Variants in PPP1R16A observed in about 807,000 individuals in gnomAD.
The protein encoded by PPP1R16A is protein phosphatase 1 regulatory subunit 16A.
In PPP1R16A, 39 loss-of-function variants were observed where a neutral mutation model predicts 46.6. The observed-to-expected ratio is 0.84, with a 90% confidence interval of 0.65 to 1.09. The LOEUF (loss-of-function observed/expected upper bound fraction) is 1.09. Among genes scored for constraint, PPP1R16A ranks in the 50% least tolerant of loss-of-function variants. The pLI is 0.00. For synonymous variants in PPP1R16A, 413 were observed against 321.5 expected, an observed-to-expected ratio of 1.28 and a Z score of -3.04; for missense variants, 798 against 735.6, an observed-to-expected ratio of 1.08 and a Z score of -0.98.
At chr8:144,492,334 C>CTTTT (rs5895821) in intron 2 of PPP1R16A, among the ~76,000 whole-genome samples, 1 of 131,760 alleles carries the variant, frequency 7.6e-6, no homozygotes, top group Non-Finnish European at 1.6e-5. Flanking sequence ...AAAAGGTGTA[C>CTTTT]TTTTTTTTTT....
At position 144,493,995 on chromosome 8, in the gene PPP1R16A, G is replaced by A. The variant is rs1586749314; in HGVS notation, c.-734-2466G>A. Among the ~76,000 whole-genome samples the A allele has an allele frequency of 1.3e-5, 2 of 152,312 alleles. No homozygotes were observed. Among genetic ancestry groups the A allele is most frequent in the East Asian group, 1.9e-4 (1 of 5,192 alleles). On this transcript the variant is annotated intron_variant, in intron 2 of 11. Coordinates refer to ENST00000435887, the MANE Select transcript of PPP1R16A (RefSeq NM_001329443.2). The surrounding 1 kb of genome is among the most constrained non-coding windows in gnomAD (Gnocchi z 4.3). Reference sequence around the variant, plus strand: ...TGTTCTCTGATGAATTTTCACGGATGTGCCTCGGAATGAGAAACAAGACAG... The same window carrying A: ...TGTTCTCTGATGAATTTTCACGGATATGCCTCGGAATGAGAAACAAGACAG...
At position 144,501,970 on chromosome 8, in the gene PPP1R16A, GCCCTGGTGCTGCGGGTGCAGCACGGAAA is replaced by G; in HGVS notation, c.*71_*98del. ...CCAAGGCTGCCTCCCCACGGTGCGT[GCCCTGGTGCTGCGGGTGCAGCACGGAAA>G]CCCCGGCTTCTACTGTACAGGACAC... On this transcript the variant is annotated 3_prime_UTR_variant, in exon 12 of 12. Coordinates refer to ENST00000435887, the MANE Select transcript of PPP1R16A (RefSeq NM_001329443.2). 1 of 1,430,944 alleles carries G rather than the reference GCCCTGGTGCTGCGGGTGCAGCACGGAAA, an allele frequency of 7.0e-7. No individual in the cohort carries two copies. Among genetic ancestry groups the G allele is most frequent in the South Asian group, 1.4e-5 (1 of 69,066 alleles). 88.6% of individuals were successfully genotyped at this position (1,430,944 alleles called of 1,614,324 possible).
intron 1 of PPP1R16A, among the ~76,000 whole-genome samples, chr8:144,483,014 C>T (rs916904517): frequency 6.6e-6 from 1 of 152,020 alleles, no homozygotes; most frequent in Non-Finnish European, 1.5e-5. Context: ...AACTCCTGAC[C>T]TCAGGTGATC....
In PPP1R16A at chr8:144,497,252, C is replaced by A; in HGVS notation, c.58C>A (p.Gln20Lys). The A allele has an allele frequency of 6.2e-7, 1 of 1,607,788 alleles. No individual in the cohort carries two copies. The part of the protein sequence containing the change: ...EMPMVGRMST[Q>K]ERLKHAQKRR... Reference sequence around the variant, plus strand: ...GCCCATGGTGGGCAGGATGAGCACACAGGAGCGGCTGAAGCATGCCCAGAA... The same window carrying A: ...GCCCATGGTGGGCAGGATGAGCACAAAGGAGCGGCTGAAGCATGCCCAGAA... The change falls in exon 3 of 12, where the codon CAG becomes AAG. Residue 20 changes from glutamine to lysine, a missense_variant. Coordinates refer to ENST00000435887, the MANE Select transcript of PPP1R16A (RefSeq NM_001329443.2).
chr8:144,485,283 G>A (rs540675460), intron 1 of PPP1R16A, among the ~76,000 whole-genome samples: 14 of 150,606 alleles, frequency 9.3e-5, no homozygotes, highest in Non-Finnish European at 1.6e-4. Flanking sequence ...AGCACTTTGG[G>A]AGGCCAAGGT....
chr8:144,500,113 C>T lies in PPP1R16A; in HGVS notation c.494C>T (p.Ala165Val), dbSNP rs1435236288. ...CCCTGCAGTGGCGCCAATCTCCTGGCGGTCAACACCGACGGGAACATGCCC... is the reference window on the plus strand; with the variant it reads ...CCCTGCAGTGGCGCCAATCTCCTGGTGGTCAACACCGACGGGAACATGCCC... Reference protein sequence around the residue: ...LLIASGANLLAVNTDGNMPYD... With the variant: ...LLIASGANLLVVNTDGNMPYD... The change falls in exon 6 of 12, where the codon GCG (alanine) becomes GTG (valine). Residue 165 changes from alanine to valine, a missense_variant. Transcript: ENST00000435887. 1.2e-5 allele frequency: 19 copies of T among 1,610,370 alleles called. No homozygotes were observed. Among genetic ancestry groups the T allele is most frequent in the East Asian group, 2.2e-5 (1 of 44,698 alleles).
At chr8:144,494,409 C>T (rs1036266338) in intron 2 of PPP1R16A, among the ~76,000 whole-genome samples, 1 of 152,180 alleles carries the variant, frequency 6.6e-6, no homozygotes, top group African/African-American at 2.4e-5. Context: ...ACCTCCCGGG[C>T]TCAAGGGATC....
intron 4 of PPP1R16A, 25 bp from the exon 5 acceptor site, chr8:144,498,891 G>C: frequency 1.2e-6 from 2 of 1,612,608 alleles, no homozygotes; most frequent in Non-Finnish European, 1.7e-6. Context: ...CCGTGCTCTG[G>C]TCGCTCACGT....
In PPP1R16A at chr8:144,500,364, TG is replaced by T; in HGVS notation, c.679del (p.Ala227ProfsTer32). ...SRLQAGADLHAPLDHGATLLH... is the reference protein window; with the variant it reads ...SRLQAGADLHXPLDHGATLLH... ...GGCTGCAGGCCGGGGCAGACCTCCATGCCCCCCTGGACCACGGGGCCACGCT... is the reference window on the plus strand; with the variant it reads ...GGCTGCAGGCCGGGGCAGACCTCCATCCCCCCTGGACCACGGGGCCACGCT... On this transcript the variant is annotated frameshift_variant, in exon 7 of 12. Coordinates refer to ENST00000435887, the MANE Select transcript of PPP1R16A (RefSeq NM_001329443.2). LOFTEE classifies it high-confidence loss of function. 6.5e-7 allele frequency: 1 copy of T among 1,527,768 alleles called. No homozygotes were observed. The highest frequency in any genetic ancestry group is 8.7e-7 in the Non-Finnish European group (1 of 1,143,062). The allele number at this position is 1,527,768 out of a possible 1,614,324, so 94.6% of individuals were successfully genotyped here. A position where few individuals can be genotyped will look rare whatever the true frequency, so the allele number is the denominator to read the frequency against.
chr8:144,492,141 G>T (rs553436309), intron 2 of PPP1R16A, among the ~76,000 whole-genome samples: 91 of 152,234 alleles, frequency 6.0e-4, no homozygotes, highest in African/African-American at 2.1e-3. Flanking sequence ...CGTCACTGCC[G>T]GGGCTCCCGT....
chr8:144,501,043 C>G (rs2130559546), intron 10 of PPP1R16A, 72 bp downstream of exon 10: 1 of 1,521,418 alleles, frequency 6.6e-7, no homozygotes, highest in East Asian at 2.5e-5. Context: ...GGAGTGCCAG[C>G]CGAACTGGGG....
intron 11 of PPP1R16A, 51 bp downstream of exon 11, chr8:144,501,345 C>T (rs1482598141): frequency 6.6e-7 from 1 of 1,524,222 alleles, no homozygotes; most frequent in African/African-American, 1.4e-5. Context: ...CCTGGCTCTG[C>T]CCTGGTTCTC....
chr8:144,500,489 G>C lies in PPP1R16A; in HGVS notation c.708G>C (p.Leu236=). Residue 236 remains leucine (L), a splice_region_variant and synonymous_variant, in exon 8 of 12, where the codon CTG becomes CTC. Transcript: ENST00000435887. ...HAPLDHGATL[L]HVAAANGFSE... Reference sequence around the variant, plus strand: ...TCAGGCCGGGCGCTTGCCTGCAGCTGCACGTCGCAGCCGCCAACGGGTTCA... The same window carrying C: ...TCAGGCCGGGCGCTTGCCTGCAGCTCCACGTCGCAGCCGCCAACGGGTTCA... The C allele has an allele frequency of 6.3e-7, 1 of 1,580,618 alleles. No individual in the cohort carries two copies. Among genetic ancestry groups the C allele is most frequent in the Non-Finnish European group, 8.5e-7 (1 of 1,171,912 alleles).
chr8:144,478,039 C>G lies in PPP1R16A; in HGVS notation c.-1002C>G. The G allele has an allele frequency of 2.5e-6, 1 of 394,502 alleles. No individual in the cohort carries two copies. Among genetic ancestry groups the G allele is most frequent in the Non-Finnish European group, 4.5e-6 (1 of 223,372 alleles). 24.4% of individuals were successfully genotyped at this position (394,502 alleles called of 1,614,324 possible). On this transcript the variant is annotated 5_prime_UTR_variant, in exon 1 of 12. Transcript: ENST00000435887. Reference sequence around the variant, plus strand: ...CATGGCGAGGGCCGGGTGCGGGGCCCGCCCCCGCAGCGCCTCAGGGAGCGC... The same window carrying G: ...CATGGCGAGGGCCGGGTGCGGGGCCGGCCCCCGCAGCGCCTCAGGGAGCGC...
intron 1 of PPP1R16A, among the ~76,000 whole-genome samples, chr8:144,489,456 C>T (rs911188834): frequency 6.6e-6 from 1 of 151,764 alleles, no homozygotes; most frequent in Non-Finnish European, 1.5e-5. Context: ...ACACTCAGAC[C>T]CTCCCTCCTG....
rs752986679 is a variant in PPP1R16A at position 144,497,302 on chromosome 8, G to A, written c.108G>A (p.Met36Ile). The A allele has an allele frequency of 3.1e-6, 5 of 1,612,482 alleles. No individual in the cohort carries two copies. The East Asian group carries it at 1.1e-4, about 36-fold the overall frequency. ...AQKRRAQQVK[M>I]WAQAEKEAQG... is the part of the protein sequence containing the mutation. The stretch of plus-strand genomic sequence containing the variant: ...AGCGGCGCGCCCAGCAGGTGAAGAT[G>A]TGGGCCCAGGCTGAGAAGGAGGCCC... Residue 36 changes from methionine (M) to isoleucine (I), a missense_variant, in exon 3 of 12, where the codon ATG becomes ATA. Physicochemically the swap from Met to Ile is conservative, Grantham distance 10 (BLOSUM62 1). Transcript: ENST00000435887.
At position 144,501,586 on chromosome 8, in the gene PPP1R16A, T is replaced by C. The variant is rs369730724; in HGVS notation, c.1270T>C (p.Tyr424His). Residue 424 changes from tyrosine to histidine, a missense_variant, in exon 12 of 12, where the codon TAC (tyrosine) becomes CAC (histidine). Transcript: ENST00000435887. ...RVGGSPVRHL[Y>H]SKRLDRSVSY... ...AGGGGGCTCCCCAGTGCGGCATCTA[T>C]ACTCCAAGCGACTAGACCGGAGTGT... 1.2e-6 allele frequency: 2 copies of C among 1,603,960 alleles called. No individual in the cohort carries two copies. Among genetic ancestry groups the C allele is most frequent in the African/African-American group, 2.7e-5 (2 of 74,518 alleles).
intron 1 of PPP1R16A, chr8:144,478,894 G>A (rs1825282716): frequency 6.6e-6 from 1 of 152,380 alleles, no homozygotes; most frequent in African/African-American, 2.4e-5. Flanking sequence ...TGCAGAGAGG[G>A]GAGCCGTGTA....
intron 1 of PPP1R16A, among the ~76,000 whole-genome samples, chr8:144,486,222 C>T (rs1043459026): frequency 1.3e-5 from 2 of 152,082 alleles, no homozygotes; most frequent in Non-Finnish European, 2.9e-5. Context: ...CGCGCCACCA[C>T]ACCTGGCTAA....
Sources: gnomAD v4.1 joint callset for allele counts (sites outside exome capture counted in the v4.1 genomes callset) on GRCh38, gnomAD v4.1.1 for gene constraint, Gnocchi (gnomAD v3.1) non-coding constraint, MANE v1.5 for transcripts, NCBI Gene and HGNC (gene_info 2026-07-23, HGNC 2026-07-21) for gene names.